Variants in PLEK2 observed in about 807,000 individuals in gnomAD.
PLEK2 encodes pleckstrin-2.
PLEK2 carries 29 observed loss-of-function variants against 43.8 expected under a neutral mutation model. The ratio of observed to expected loss-of-function variants is 0.66; its 90% CI spans 0.49 to 0.90. The LOEUF (loss-of-function observed/expected upper bound fraction) is 0.90. PLEK2 is among the 40% of genes least tolerant of loss of function. The pLI is 0.00. For synonymous variants in PLEK2, 162 were observed against 173.2 expected, an observed-to-expected ratio of 0.94 and a Z score of 0.51; for missense variants, 398 against 448.1, an observed-to-expected ratio of 0.89 and a Z score of 1.01.
intron 3 of PLEK2, among the ~76,000 whole-genome samples, chr14:67,394,397 A>C (rs1360423071): frequency 1.3e-5 from 2 of 152,054 alleles, no homozygotes; most frequent in Non-Finnish European, 2.9e-5. Flanking sequence ...CCCTGTCCCC[A>C]AAAAAGAAAA....
At chr14:67,394,610 G>A (rs778334005) in intron 3 of PLEK2, among the ~76,000 whole-genome samples, 5 of 151,980 alleles carry the variant, frequency 3.3e-5, no homozygotes, top group Non-Finnish European at 5.9e-5. Context: ...GGGAGTTTTT[G>A]TGAGCCCAGG....
Position 67,392,418 on chromosome 14 carries a change from A to C in PLEK2, c.679T>G (p.Tyr227Asp). ...TCCTTGGGGCTTATCTTCTTTTTGT[A>C]GCTCTCAGCCTAGGGGGAAGGAGGG... ...STALYTFAES[Y>D]KKKISPKEEI... Residue 227 changes from tyrosine to aspartate, a missense_variant, in exon 6 of 9, where the codon TAC becomes GAC. Tyr to Asp is a radical substitution (Grantham distance 160, BLOSUM62 -3). Transcript: ENST00000216446. The C allele has an allele frequency of 6.2e-7, 1 of 1,612,352 alleles. No individual in the cohort carries two copies. The highest frequency in any genetic ancestry group is 8.5e-7 in the Non-Finnish European group (1 of 1,178,462).
intron 3 of PLEK2, 32 bp from the exon 4 acceptor site, chr14:67,393,273 C>G (rs775409789): frequency 2.7e-6 from 4 of 1,494,454 alleles, no homozygotes; most frequent in Admixed American, 1.7e-5. Context: ...GGAGAGGGAA[C>G]CCTCATCACG....
At chr14:67,395,979 G>A (rs1342443024) in intron 2 of PLEK2, among the ~76,000 whole-genome samples, 1 of 152,066 alleles carries the variant, frequency 6.6e-6, no homozygotes, top group Admixed American at 6.5e-5. Flanking sequence ...TGGACTCCCG[G>A]GCACATTAGG....
chr14:67,388,398 G>A, intron 7 of PLEK2, 96 bp from the exon 8 acceptor site: 1 of 766,978 alleles, frequency 1.3e-6, no homozygotes, highest in South Asian at 1.4e-5. Flanking sequence ...AGAAGTGAGT[G>A]CAAATCATTT....
In PLEK2 at chr14:67,391,271, A is replaced by ATGTGTGTGTGTG. The variant is rs61156733; in HGVS notation, c.772-537_772-526dup. Among the ~76,000 whole-genome samples, 864 of 143,888 alleles carry ATGTGTGTGTGTG rather than the reference A, an allele frequency of 6.0e-3. 6 individuals are homozygous for ATGTGTGTGTGTG. Among genetic ancestry groups the ATGTGTGTGTGTG allele is most frequent in the African/African-American group, 0.016 (636 of 38,554 alleles). The allele number at this position is 143,888 out of a possible 152,430, so 94.4% of individuals were successfully genotyped here. A position where few individuals can be genotyped will look rare whatever the true frequency, so the allele number is the denominator to read the frequency against. On this transcript the variant is annotated intron_variant, in intron 6 of 8. Transcript: ENST00000216446. ...AAATCTAAATGTGTAAGCAGCTGAT[A>ATGTGTGTGTGTG]TGTGTGTGTGTGTGTGTGTGTGTGT...
chr14:67,390,042 A>G (rs1471574009), intron 7 of PLEK2, among the ~76,000 whole-genome samples: 1 of 152,210 alleles, frequency 6.6e-6, no homozygotes, highest in East Asian at 1.9e-4. Context: ...AAAACTAATG[A>G]AAGTCATACA....
chr14:67,388,508 T>A (rs1221118282), intron 7 of PLEK2, among the ~76,000 whole-genome samples: 2 of 152,172 alleles, frequency 1.3e-5, no homozygotes, highest in Non-Finnish European at 2.9e-5. Context: ...GCAGCAGTAG[T>A]GCCCATCAAT....
rs745854623 is a variant in PLEK2 at position 67,395,384 on chromosome 14, G to A, written c.389+18C>T. On this transcript the variant is annotated intron_variant, in intron 3 of 8. Transcript: ENST00000216446. ...GGCAGGAGAGGCTGCCACAGAGCCCGGCAAGTGGGGCACTCACTGCAGGCT... is the reference window on the plus strand; with the variant it reads ...GGCAGGAGAGGCTGCCACAGAGCCCAGCAAGTGGGGCACTCACTGCAGGCT... 1.6e-5 allele frequency: 25 copies of A among 1,610,412 alleles called. No individual in the cohort carries two copies. The Middle Eastern group carries it at 5.1e-4, about 33-fold the overall frequency.
At chr14:67,411,937 G>T in intron 1 of PLEK2, 81 bp downstream of exon 1, 1 of 1,292,188 alleles carries the variant, frequency 7.7e-7, no homozygotes. Context: ...CCGTTCCGGG[G>T]CGCGCGTCTG....
intron 7 of PLEK2, among the ~76,000 whole-genome samples, chr14:67,389,955 G>T (rs2085954995): frequency 6.6e-6 from 1 of 152,050 alleles, no homozygotes; most frequent in Non-Finnish European, 1.5e-5. Flanking sequence ...CCTGGCCCTG[G>T]CCTAGCTGGG....
At chr14:67,394,744 G>A (rs1235858787) in intron 3 of PLEK2, among the ~76,000 whole-genome samples, 1 of 152,226 alleles carries the variant, frequency 6.6e-6, no homozygotes, top group African/African-American at 2.4e-5. Flanking sequence ...TGGCAATATT[G>A]AGAGGTGATG....
intron 1 of PLEK2, among the ~76,000 whole-genome samples, chr14:67,406,589 T>C (rs1399991149): frequency 6.6e-6 from 1 of 151,538 alleles, no homozygotes; most frequent in East Asian, 1.9e-4. Flanking sequence ...TCAAGGGGAG[T>C]CCTTGGAGGA....
chr14:67,387,445 TCCCTTTAAC>T lies in PLEK2; in HGVS notation c.937_945del (p.Val313_Gly315del). 6.2e-7 allele frequency: 1 copy of T among 1,608,164 alleles called. No individual in the cohort carries two copies. The highest frequency in any genetic ancestry group is 8.5e-7 in the Non-Finnish European group (1 of 1,177,786). ...ACTTTGAAGAGGTTTCCCTGGACAT[TCCCTTTAAC>T]CCCTAGGCAGAAAAAAGGGGGAAAA... On this transcript the variant is annotated inframe_deletion and splice_region_variant, in exon 9 of 9. Transcript: ENST00000216446.
intron 8 of PLEK2, 131 bp downstream of exon 8, chr14:67,388,093 C>T (rs2085939705): frequency 1.6e-6 from 1 of 609,682 alleles, no homozygotes; most frequent in African/African-American, 1.9e-5. Flanking sequence ...CACTTCAAAA[C>T]TCACACCACT....
At chr14:67,390,072 A>G (rs1025389676) in intron 7 of PLEK2, among the ~76,000 whole-genome samples, 4 of 152,240 alleles carry the variant, frequency 2.6e-5, no homozygotes, top group African/African-American at 9.6e-5. Context: ...ACAAGGCTGA[A>G]CAGCTAACTA....
chr14:67,389,346 T>C (rs929989862), intron 7 of PLEK2, among the ~76,000 whole-genome samples: 1 of 152,044 alleles, frequency 6.6e-6, no homozygotes, highest in African/African-American at 2.4e-5. Context: ...AGTCCTGTCC[T>C]GGATAGGAGA....
rs748099671 is a variant in PLEK2 at position 67,392,342 on chromosome 14, C to A, written c.755G>T (p.Gly252Val). The A allele has an allele frequency of 6.2e-7, 1 of 1,609,666 alleles. No homozygotes were observed. The highest frequency in any genetic ancestry group is 1.1e-5 in the South Asian group (1 of 91,000). The part of the protein sequence containing the change: ...VELSGTVVKQ[G>V]YLAKQGHKRK... ...CAGCCATACCTGCTTGGCCAGGTAG[C>A]CTTGTTTCACCACCGTGCCACTTAA... Residue 252 changes from glycine (G) to valine (V), a missense_variant, in exon 6 of 9, where the codon GGC becomes GTC. Transcript: ENST00000216446.
At chr14:67,393,282 C>A (rs762970020) in intron 3 of PLEK2, 41 bp from the exon 4 acceptor site, 10 of 1,411,196 alleles carry the variant, frequency 7.1e-6, no homozygotes, top group Non-Finnish European at 1.0e-5. Context: ...ACCCTCATCA[C>A]GCGGGCAGGT....
Sources: allele counts gnomAD v4.1 joint callset (sites outside exome capture counted in the v4.1 genomes callset), GRCh38; gene constraint gnomAD v4.1.1; transcripts MANE v1.5; gene names NCBI Gene and HGNC (gene_info 2026-07-23, HGNC 2026-07-21).